The following TBXA2R variants were observed in gnomAD, a reference collection of about 807,000 sequenced individuals.
The protein encoded by TBXA2R is prostanoid TP receptor.
A neutral mutation model predicts 15.6 loss-of-function variants in TBXA2R; 15 were observed. That is an observed-to-expected ratio of 0.96 (90% CI 0.64 to 1.48). The LOEUF (loss-of-function observed/expected upper bound fraction) is 1.48. Among genes scored for constraint, TBXA2R ranks in the 40% most tolerant of loss-of-function variants. The probability of loss-of-function intolerance (pLI) is 0.00; values close to 1 mark genes in which losing one functional copy is unlikely to be tolerated. For synonymous variants in TBXA2R, 280 were observed against 241.2 expected, an observed-to-expected ratio of 1.16 and a Z score of -1.49; for missense variants, 506 against 491.4, an observed-to-expected ratio of 1.03 and a Z score of -0.28.
At position 3,599,391 on chromosome 19, in the gene TBXA2R, G is replaced by A. The variant is rs554658757; in HGVS notation, c.786+458C>T. Among the ~76,000 whole-genome samples the A allele has an allele frequency of 2.8e-3, 417 of 151,400 alleles. 5 individuals carry two copies. Among genetic ancestry groups the A allele is most frequent in the African/African-American group, 9.5e-3 (391 of 41,136 alleles). On this transcript the variant is annotated intron_variant, in intron 2 of 2. Coordinates refer to ENST00000375190, the MANE Select transcript of TBXA2R (RefSeq NM_001060.6). ...GTCGCCCAGGCTGGAGTGCAGTGGC[G>A]CAATCTCTGCTCACTGCAAGCTCCG...
rs867934335 is a variant in TBXA2R, at chr19:3,595,831, C to T, written c.889G>A (p.Ala297Thr). 2 of 1,611,548 alleles carry T rather than the reference C, an allele frequency of 1.2e-6. No individual in the cohort carries two copies. Among genetic ancestry groups the T allele is most frequent in the South Asian group, 1.1e-5 (1 of 90,634 alleles). The change falls in exon 3 of 3, where the codon GCC becomes ACC. Residue 297 changes from alanine (A) to threonine (T), a missense_variant. Physicochemically the swap from Ala to Thr is moderately conservative, Grantham distance 58. Coordinates refer to ENST00000375190, the MANE Select transcript of TBXA2R (RefSeq NM_001060.6). The part of the protein sequence containing the change: ...EKELLIYLRV[A>T]TWNQILDPWV... ...GGGTCCAGGATCTGGTTCCAGGTGG[C>T]CACGCGCAAGTAGATGAGCAGCTCC...
chr19:3,601,913 C>T (rs57466064), intron 1 of TBXA2R, among the ~76,000 whole-genome samples: 20,193 of 150,906 alleles, frequency 0.13, 1,970 homozygotes, highest in African/African-American at 0.28. Flanking sequence ...GACAACAGAG[C>T]GAGACTCCAT....
Position 3,599,850 on chromosome 19 carries a change from A to G in TBXA2R, c.785T>C (p.Leu262Pro). ...VVASVCWLPLLVFIAQTVLRN... is the reference protein window; with the variant it reads ...VVASVCWLPLPVFIAQTVLRN... ...GGACCCCGCAGAGCCCCTACTCACC[A>G]GAAGGGGCAGCCAACACACGCTGGC... The change falls in exon 2 of 3, where the codon CTG becomes CCG. Residue 262 changes from leucine to proline, a missense_variant and splice_region_variant. Transcript: ENST00000375190. 1 of 1,548,972 alleles carries G rather than the reference A, an allele frequency of 6.5e-7. No individual in the cohort carries two copies. The highest frequency in any genetic ancestry group is 8.7e-7 in the Non-Finnish European group (1 of 1,146,930).
intron 2 of TBXA2R, 116 bp downstream of exon 2, chr19:3,599,733 C>T: frequency 1.4e-6 from 2 of 1,464,172 alleles, no homozygotes; most frequent in East Asian, 2.5e-5. Flanking sequence ...TCCCAGAGTT[C>T]TGGGATTACC....
In TBXA2R at chr19:3,598,345, C is replaced by CTTTTTTTTTTTTTTTTTTTTTTT. The variant is rs1300020033; in HGVS notation, c.786+1503_786+1504insAAAAAAAAAAAAAAAAAAAAAAA. ...TTTCTTTTCTTTCTTTCTTTCTTTT[C>CTTTTTTTTTTTTTTTTTTTTTTT]TTTTCTTTTTTTTTTTTTTTTTTGA... On this transcript the variant is annotated intron_variant, in intron 2 of 2. Coordinates refer to ENST00000375190, the MANE Select transcript of TBXA2R (RefSeq NM_001060.6). Among the ~76,000 whole-genome samples the CTTTTTTTTTTTTTTTTTTTTTTT allele has an allele frequency of 7.8e-5, 9 of 115,390 alleles. 1 individual carries two copies. Among genetic ancestry groups the CTTTTTTTTTTTTTTTTTTTTTTT allele is most frequent in the African/African-American group, 2.9e-4 (8 of 27,756 alleles). The allele number at this position is 115,390 out of a possible 152,430, so 75.7% of individuals were successfully genotyped here.
At chr19:3,604,111 G>A (rs1466193322) in intron 1 of TBXA2R, among the ~76,000 whole-genome samples, 3 of 151,616 alleles carry the variant, frequency 2.0e-5, no homozygotes, top group East Asian at 1.9e-4. Flanking sequence ...GTCCTGGGAC[G>A]CAGAAGGCCT....
intron 1 of TBXA2R, among the ~76,000 whole-genome samples, chr19:3,602,528 G>A (rs1183778365): frequency 5.3e-5 from 8 of 152,128 alleles, no homozygotes; most frequent in Admixed American, 2.0e-4. Context: ...CCTGAAGTCA[G>A]GAGTTTGAGA....
intron 1 of TBXA2R, among the ~76,000 whole-genome samples, chr19:3,601,111 T>G (rs1486609161): frequency 1.3e-5 from 2 of 151,788 alleles, no homozygotes; most frequent in Non-Finnish European, 2.9e-5. Flanking sequence ...TGAAATCCAG[T>G]TCTATTTTGG....
In TBXA2R at chr19:3,600,727, G is replaced by T; in HGVS notation, c.-83-10C>A. On this transcript the variant is annotated splice_polypyrimidine_tract_variant and intron_variant, in intron 1 of 2. Coordinates refer to ENST00000375190, the MANE Select transcript of TBXA2R (RefSeq NM_001060.6). ...ACTGGTTCAGGCACACCTGGGAGGC[G>T]AGAGAAGATTTGCTTGTGATTAATT... The T allele has an allele frequency of 7.0e-7, 1 of 1,434,462 alleles. No homozygotes were observed. The highest frequency in any genetic ancestry group is 9.6e-7 in the Non-Finnish European group (1 of 1,042,380). 88.9% of individuals were successfully genotyped at this position (1,434,462 alleles called of 1,614,324 possible). A position where few individuals can be genotyped will look rare whatever the true frequency, so the allele number is the denominator to read the frequency against.
At chr19:3,598,528 T>A (rs2032647580) in intron 2 of TBXA2R, among the ~76,000 whole-genome samples, 1 of 150,952 alleles carries the variant, frequency 6.6e-6, no homozygotes. Flanking sequence ...TTTTTTTTAG[T>A]TTTAGTAGAG....
At chr19:3,601,721 G>A (rs2032742092) in intron 1 of TBXA2R, among the ~76,000 whole-genome samples, 1 of 151,832 alleles carries the variant, frequency 6.6e-6, no homozygotes, top group Admixed American at 6.6e-5. Context: ...GAGGTCAGGA[G>A]TTCGAAACCA....
At chr19:3,603,208 C>G (rs1211361237) in intron 1 of TBXA2R, among the ~76,000 whole-genome samples, 1 of 152,238 alleles carries the variant, frequency 6.6e-6, no homozygotes, top group African/African-American at 2.4e-5. Flanking sequence ...CTGTGGCCCT[C>G]ACTCCCCATC....
rs752519324 is a variant in TBXA2R, at chr19:3,600,464, C to A, written c.171G>T (p.Ser57=). 1.2e-6 allele frequency: 2 copies of A among 1,612,568 alleles called. No individual in the cohort carries two copies. The highest frequency in any genetic ancestry group is 2.7e-5 in the African/African-American group (2 of 74,888). Residue 57 remains serine (S), a synonymous_variant, in exon 2 of 3, where the codon TCG becomes TCT. Transcript: ENST00000375190. Reference sequence around the variant, plus strand: ...AGGTGAGGAAGGAGGAGCGCGTGTGCGAACCCCCCTGCCGCGCGCCCGCCA... The same window carrying A: ...AGGTGAGGAAGGAGGAGCGCGTGTGAGAACCCCCCTGCCGCGCGCCCGCCA... The part of the protein sequence containing the change: ...SVLAGARQGG[S]HTRSSFLTFL...
rs960752184 is a variant in TBXA2R at position 3,600,827 on chromosome 19, T to G, written c.-83-110A>C. ...GCCCCAGCTCAAATATCCTCTCCGG[T>G]TTTTTTTTTTTTTTTTTTTGAGACA... On this transcript the variant is annotated intron_variant, in intron 1 of 2. Transcript: ENST00000375190. 5.5e-5 allele frequency: 10 copies of G among 180,356 alleles called. 2 individuals are homozygous for G. The highest frequency in any genetic ancestry group is 5.0e-4 in the African/African-American group (8 of 16,160). 11.2% of individuals were successfully genotyped at this position (180,356 alleles called of 1,614,324 possible).
Position 3,595,440 on chromosome 19 carries a change from A to C in TBXA2R, c.*248T>G. On this transcript the variant is annotated 3_prime_UTR_variant, in exon 3 of 3. Transcript: ENST00000375190. Reference sequence around the variant, plus strand: ...TCTGCATGCCCTTCCTGGGGTTGGGAGGGACGCAGAGAAGGGGTGGGAGCT... The same window carrying C: ...TCTGCATGCCCTTCCTGGGGTTGGGCGGGACGCAGAGAAGGGGTGGGAGCT... The C allele has an allele frequency of 2.8e-6, 4 of 1,409,120 alleles. No homozygotes were observed. The highest frequency in any genetic ancestry group is 1.8e-6 in the Non-Finnish European group (2 of 1,086,712). 87.3% of individuals were successfully genotyped at this position (1,409,120 alleles called of 1,614,324 possible).
chr19:3,598,615 G>A (rs2032649423), intron 2 of TBXA2R, among the ~76,000 whole-genome samples: 2 of 151,730 alleles, frequency 1.3e-5, no homozygotes, highest in Non-Finnish European at 2.9e-5. Flanking sequence ...GCCTCTCAAA[G>A]CGCTGGGATT....
chr19:3,604,537 C>G (rs1599876517), intron 1 of TBXA2R, among the ~76,000 whole-genome samples: 1 of 152,158 alleles, frequency 6.6e-6, no homozygotes, highest in African/African-American at 2.4e-5. Context: ...CAACAAGTCC[C>G]CTCTCCTCAG....
intron 1 of TBXA2R, among the ~76,000 whole-genome samples, chr19:3,603,198 CTG>C (rs2032771750): frequency 6.6e-6 from 1 of 152,360 alleles, no homozygotes; most frequent in Admixed American, 6.5e-5. Flanking sequence ...AAATGGGTGA[CTG>C]TGGCCCTCAC....
In TBXA2R at chr19:3,595,777, C is replaced by T. The variant is rs1371928822; in HGVS notation, c.943G>A (p.Val315Met). Residue 315 changes from valine (V) to methionine (M), a missense_variant, in exon 3 of 3, where the codon GTG becomes ATG. Physicochemically the swap from Val to Met is conservative, Grantham distance 21 (BLOSUM62 1). Transcript: ENST00000375190. ...PWVYILFRRA[V>M]LRRLQPRLST... Reference sequence around the variant, plus strand: ...AGGCGAGGCTGGAGACGCCGGAGCACGGCGCGGCGGAACAGGATATACACC... The same window carrying T: ...AGGCGAGGCTGGAGACGCCGGAGCATGGCGCGGCGGAACAGGATATACACC... 11 of 1,609,666 alleles carry T rather than the reference C, an allele frequency of 6.8e-6. No homozygotes were observed. In the African/African-American group the frequency reaches 8.0e-5, roughly 12 times the overall value.
Sources: allele counts gnomAD v4.1 joint callset (sites outside exome capture counted in the v4.1 genomes callset), GRCh38; gene constraint gnomAD v4.1.1; transcripts MANE v1.5; gene names NCBI Gene and HGNC (gene_info 2026-07-23, HGNC 2026-07-21).